The following ARID5B variants were observed in gnomAD, a reference collection of about 807,000 sequenced individuals.
The protein encoded by ARID5B is AT-rich interaction domain 5B.
Under a neutral mutation model 97.2 loss-of-function variants are expected in ARID5B, and 13 were observed. The observed-to-expected ratio is 0.13, with a 90% CI of 0.09 to 0.21. The LOEUF is 0.21. Among genes scored for constraint, ARID5B ranks in the 10% least tolerant of loss-of-function variants. The probability of loss-of-function intolerance (pLI) is 1.00; values close to 1 mark genes in which losing one functional copy is unlikely to be tolerated. For synonymous variants in ARID5B, 556 were observed against 570.3 expected, an observed-to-expected ratio of 0.97 and a Z score of 0.36; for missense variants, 1,210 against 1,465.3, an observed-to-expected ratio of 0.83 and a Z score of 2.84.
intron 2 of ARID5B, among the ~76,000 whole-genome samples, chr10:61,911,661 T>C (rs757078524): frequency 1.8e-4 from 28 of 152,330 alleles, no homozygotes; most frequent in Middle Eastern, 6.8e-3. Flanking sequence ...CACCCAGTTT[T>C]AACCCTGCAG....
intron 5 of ARID5B, among the ~76,000 whole-genome samples, chr10:62,052,491 C>T (rs964948314): frequency 6.6e-6 from 1 of 152,198 alleles, no homozygotes; most frequent in Non-Finnish European, 1.5e-5. Flanking sequence ...TTGTTTACTC[C>T]AGCATATTCT....
At chr10:61,988,466 T>C (rs899458502) in intron 3 of ARID5B, among the ~76,000 whole-genome samples, 1 of 152,206 alleles carries the variant, frequency 6.6e-6, no homozygotes, top group Non-Finnish European at 1.5e-5. Flanking sequence ...TTTGAATTGA[T>C]TTTTGTTATT....
chr10:61,951,382 C>T (rs565190548), intron 3 of ARID5B, among the ~76,000 whole-genome samples: 1 of 152,296 alleles, frequency 6.6e-6, no homozygotes, highest in African/African-American at 2.4e-5. Context: ...GAGCCTGTGC[C>T]TTGCCTAGAA....
chr10:61,984,293 G>A (rs1453896167), intron 3 of ARID5B, among the ~76,000 whole-genome samples: 1 of 152,222 alleles, frequency 6.6e-6, no homozygotes, highest in Non-Finnish European at 1.5e-5. Context: ...AGCAGGTGCT[G>A]TCATGTTCAC....
intron 3 of ARID5B, among the ~76,000 whole-genome samples, chr10:61,941,666 A>T (rs1042797792): frequency 6.6e-6 from 1 of 152,140 alleles, no homozygotes; most frequent in Non-Finnish European, 1.5e-5. Context: ...TTTTGGGAAT[A>T]GCATTAATAT....
chr10:61,988,091 T>C (rs1290703628), intron 3 of ARID5B, among the ~76,000 whole-genome samples: 1 of 152,192 alleles, frequency 6.6e-6, no homozygotes, highest in African/African-American at 2.4e-5. Flanking sequence ...ACAGAGCACA[T>C]CTGTATCATC....
At chr10:62,057,969 A>G (rs1327554988) in intron 6 of ARID5B, among the ~76,000 whole-genome samples, 1 of 152,200 alleles carries the variant, frequency 6.6e-6, no homozygotes, top group East Asian at 1.9e-4. Context: ...AACCGAATAT[A>G]TATTTTGCCT....
At chr10:61,929,256 A>C (rs1479492170) in intron 2 of ARID5B, among the ~76,000 whole-genome samples, 1 of 152,198 alleles carries the variant, frequency 6.6e-6, no homozygotes, top group African/African-American at 2.4e-5. Context: ...TCATGTTTCA[A>C]ATGCTACAAA....
chr10:61,912,220 T>C (rs753216557), intron 2 of ARID5B, among the ~76,000 whole-genome samples: 1 of 152,226 alleles, frequency 6.6e-6, no homozygotes, highest in Non-Finnish European at 1.5e-5. Flanking sequence ...TCACTAATAC[T>C]GTGTATTCTT....
intron 4 of ARID5B, among the ~76,000 whole-genome samples, chr10:62,031,793 G>A (rs1250796037): frequency 2.6e-5 from 4 of 152,196 alleles, no homozygotes; most frequent in Non-Finnish European, 2.9e-5. Context: ...GTAGGAATAT[G>A]AGCCCAGAGT....
intron 9 of ARID5B, among the ~76,000 whole-genome samples, chr10:62,088,710 A>C (rs1403109264): frequency 1.3e-5 from 2 of 152,218 alleles, no homozygotes; most frequent in Admixed American, 6.5e-5. Flanking sequence ...GTTATTAGCC[A>C]GGTGTATTTT....
intron 2 of ARID5B, among the ~76,000 whole-genome samples, chr10:61,919,183 C>T (rs1262215185): frequency 6.6e-6 from 1 of 152,134 alleles, no homozygotes; most frequent in East Asian, 1.9e-4. Context: ...CCACCCTCCA[C>T]CCTGCCCTTT....
intron 2 of ARID5B, among the ~76,000 whole-genome samples, chr10:61,923,296 C>T (rs143630945): frequency 6.6e-6 from 1 of 152,278 alleles, no homozygotes; most frequent in East Asian, 1.9e-4. Context: ...AGGGTCTGAG[C>T]AGAGAGACCT....
chr10:61,961,497 A>G (rs1421696204), intron 3 of ARID5B, among the ~76,000 whole-genome samples: 1 of 152,232 alleles, frequency 6.6e-6, no homozygotes, highest in Non-Finnish European at 1.5e-5. Flanking sequence ...GTTGCGCTGA[A>G]TTAATCTATA....
intron 2 of ARID5B, among the ~76,000 whole-genome samples, chr10:61,912,161 G>T (rs535116651): frequency 6.6e-6 from 1 of 152,288 alleles, no homozygotes; most frequent in South Asian, 2.1e-4. Flanking sequence ...CAAGCACAAA[G>T]GATCGCAGTA....
At chr10:61,909,318 GT>G (rs777612375) in intron 2 of ARID5B, among the ~76,000 whole-genome samples, 2,730 of 77,044 alleles carry the variant, frequency 0.035, 5 homozygotes, top group Non-Finnish European at 0.047. Flanking sequence ...TATTCAGTGA[GT>G]TTTTTTTTTT....
intron 5 of ARID5B, among the ~76,000 whole-genome samples, chr10:62,052,033 A>G (rs1392848650): frequency 6.6e-6 from 1 of 152,228 alleles, no homozygotes; most frequent in Non-Finnish European, 1.5e-5. Flanking sequence ...TCACATTCTA[A>G]AAAATCTTAT....
chr10:61,941,476 T>G (rs1465093277), intron 3 of ARID5B, among the ~76,000 whole-genome samples: 1 of 152,074 alleles, frequency 6.6e-6, no homozygotes, highest in Non-Finnish European at 1.5e-5. Flanking sequence ...AATGCTGATT[T>G]TTGCAGTCCT....
chr10:61,956,927 T>C (rs1838399439), intron 3 of ARID5B, among the ~76,000 whole-genome samples: 1 of 152,182 alleles, frequency 6.6e-6, no homozygotes, highest in South Asian at 2.1e-4. Context: ...TGTGTGTAAA[T>C]TGGTTTTTGT....
Sources: allele counts gnomAD v4.1 joint callset (sites outside exome capture counted in the v4.1 genomes callset), GRCh38; gene constraint gnomAD v4.1.1; transcripts MANE v1.5; gene names NCBI Gene and HGNC (gene_info 2026-07-23, HGNC 2026-07-21).